The following CLIC5 variants were observed in gnomAD, a reference collection of about 807,000 sequenced individuals.
CLIC5 encodes chloride intracellular channel protein 5.
Under a neutral mutation model 24.7 loss-of-function variants are expected in CLIC5, and 20 were observed. That is an observed-to-expected ratio of 0.81 (90% CI 0.57 to 1.18). The LOEUF (loss-of-function observed/expected upper bound fraction) is 1.18. Among genes scored for constraint, CLIC5 ranks in the 50% most tolerant of loss-of-function variants. The probability of loss-of-function intolerance (pLI) is 0.00; values close to 1 mark genes in which losing one functional copy is unlikely to be tolerated. For missense variants in CLIC5, 341 were observed against 326.1 expected, an observed-to-expected ratio of 1.05 and a Z score of -0.35; for synonymous variants, 159 against 135.6, an observed-to-expected ratio of 1.17 and a Z score of -1.20.
intron 1 of CLIC5, among the ~76,000 whole-genome samples, chr6:45,983,090 G>T (rs3798267): frequency 0.28 from 42,814 of 151,984 alleles, 6,275 homozygotes; most frequent in Admixed American, 0.35. Context: ...AAACAAAGGA[G>T]GTGGGCTTCC....
chr6:46,063,859 CA>C (rs1340683207), intron 1 of CLIC5, among the ~76,000 whole-genome samples: 1 of 152,168 alleles, frequency 6.6e-6, no homozygotes, highest in East Asian at 1.9e-4. Context: ...AGCTTAAAAG[CA>C]AGGCTCAAAA....
intron 1 of CLIC5, among the ~76,000 whole-genome samples, chr6:46,012,482 A>G (rs780768834): frequency 6.6e-6 from 1 of 152,276 alleles, no homozygotes; most frequent in Non-Finnish European, 1.5e-5. Context: ...GACTCGGAGT[A>G]CATAGCAGAA....
chr6:45,918,948 G>A (rs1400706983), intron 4 of CLIC5: 1 of 985,290 alleles, frequency 1.0e-6, no homozygotes, highest in Middle Eastern at 5.2e-4. Flanking sequence ...GGGCACATAC[G>A]CTTATGCAAG....
chr6:45,927,927 C>T (rs551939839), intron 4 of CLIC5, among the ~76,000 whole-genome samples: 5 of 152,180 alleles, frequency 3.3e-5, no homozygotes, highest in South Asian at 2.1e-4. Flanking sequence ...AAAACCCCCA[C>T]GGGATTCAAA....
the CLIC5 span, among the ~76,000 whole-genome samples, chr6:46,094,065 C>T: frequency 2.6e-5 from 4 of 152,122 alleles, no homozygotes; most frequent in South Asian, 2.1e-4. Context: ...GAGAGAGTAG[C>T]GGAGGTGCCA....
intron 4 of CLIC5, among the ~76,000 whole-genome samples, chr6:45,917,952 C>T (rs1470699830): frequency 1.3e-5 from 2 of 152,208 alleles, no homozygotes; most frequent in Admixed American, 1.3e-4. Flanking sequence ...GGGGGTATCC[C>T]TCCAACTACA....
chr6:46,103,126 G>A, the CLIC5 span, among the ~76,000 whole-genome samples: 1 of 151,966 alleles, frequency 6.6e-6, no homozygotes, highest in East Asian at 1.9e-4. Context: ...ATACAGACTT[G>A]AAGAGATTAA....
At chr6:46,113,804 C>T in the CLIC5 span, among the ~76,000 whole-genome samples, 5 of 152,154 alleles carry the variant, frequency 3.3e-5, no homozygotes, top group Admixed American at 2.0e-4. Context: ...ATCTGACCAA[C>T]GTCCTTATCA....
At chr6:45,885,885 G>A (rs1156359654) in intron 6 of CLIC5, among the ~76,000 whole-genome samples, 1 of 152,168 alleles carries the variant, frequency 6.6e-6, no homozygotes, top group Non-Finnish European at 1.5e-5. Flanking sequence ...AAGGATGGGA[G>A]ACCCTCCAAG....
chr6:45,885,401 G>T (rs1310760220), intron 6 of CLIC5, among the ~76,000 whole-genome samples: 1 of 152,130 alleles, frequency 6.6e-6, no homozygotes, highest in Admixed American at 6.5e-5. Flanking sequence ...CTGCCCAGTC[G>T]ATGGTACCTT....
chr6:45,922,835 T>TAGAGAGAGAGAGAGAGAGAGAG (rs36124366), intron 4 of CLIC5, among the ~76,000 whole-genome samples: 2 of 144,292 alleles, frequency 1.4e-5, no homozygotes, highest in South Asian at 4.4e-4. Context: ...GAGAGAGAGA[T>TAGAGAGAGAGAGAGAGAGAGAG]AGAGAGAGAG....
the CLIC5 span, among the ~76,000 whole-genome samples, chr6:46,124,815 C>T: frequency 6.6e-6 from 1 of 152,184 alleles, no homozygotes. Context: ...AGCCAACAGA[C>T]ACATGAAAAA....
chr6:46,098,949 A>G, the CLIC5 span, among the ~76,000 whole-genome samples: 1 of 152,240 alleles, frequency 6.6e-6, no homozygotes. Flanking sequence ...TACAGAGCCT[A>G]GTGACCAGGT....
At chr6:45,896,516 C>A (rs967591789), downstream of CLIC5, among the ~76,000 whole-genome samples, 3 of 152,220 alleles carry the variant, frequency 2.0e-5, no homozygotes, top group Non-Finnish European at 4.4e-5. Context: ...GACTTCCTAC[C>A]TCTCCAGTCT....
At position 45,953,318 on chromosome 6, in the gene CLIC5, C is replaced by T. The variant is rs533534853; in HGVS notation, c.173+1817G>A. On this transcript the variant is annotated intron_variant, in intron 2 of 5. Transcript: ENST00000339561. ...CAGAACTTGATGAAACACTAAATCA[C>T]GACACAAGGCAACATAGACAACAGG... 4.6e-5 allele frequency among the ~76,000 whole-genome samples: 7 copies of T among 152,136 alleles called. No homozygotes were observed. In the East Asian group the frequency reaches 5.8e-4, roughly 13 times the overall value.
intron 3 of CLIC5, among the ~76,000 whole-genome samples, chr6:45,944,664 TCACTGACTAGC>T (rs575394309): frequency 6.6e-6 from 1 of 151,846 alleles, no homozygotes; most frequent in East Asian, 1.9e-4. Flanking sequence ...AGCTGACTTC[TCACTGACTAGC>T]CACAGCCAAC....
intron 1 of CLIC5, among the ~76,000 whole-genome samples, chr6:46,057,767 G>C (rs549406723): frequency 6.6e-6 from 1 of 152,252 alleles, no homozygotes; most frequent in East Asian, 1.9e-4. Flanking sequence ...CTCATATGTG[G>C]TACAACCTAC....
intron 1 of CLIC5, among the ~76,000 whole-genome samples, chr6:45,994,733 C>T (rs886349238): frequency 2.0e-5 from 3 of 152,206 alleles, no homozygotes; most frequent in Non-Finnish European, 4.4e-5. Context: ...ACAGTGCCCA[C>T]GGACCTACAG....
At chr6:46,026,005 A>C (rs1767321798) in intron 1 of CLIC5, among the ~76,000 whole-genome samples, 1 of 152,144 alleles carries the variant, frequency 6.6e-6, no homozygotes, top group African/African-American at 2.4e-5. Context: ...TTTCTTTATA[A>C]ATTACCCAGT....
Sources: gnomAD v4.1 joint callset for allele counts (sites outside exome capture counted in the v4.1 genomes callset) on GRCh38, gnomAD v4.1.1 for gene constraint, MANE v1.5 for transcripts, NCBI Gene and HGNC (gene_info 2026-07-23, HGNC 2026-07-21) for gene names.